XIRP1: variants seen among roughly 807,000 people sequenced by gnomAD.
XIRP1 encodes the protein xin actin-binding repeat-containing protein 1.
For synonymous variants in XIRP1, 984 were observed against 947.0 expected, an observed-to-expected ratio of 1.04 and a Z score of -0.72; for missense variants, 2,378 against 2,345.4, an observed-to-expected ratio of 1.01 and a Z score of -0.29.
chr3:39,186,542 C>T lies in XIRP1; in HGVS notation c.2904G>A (p.Glu968=), dbSNP rs747263850. The T allele has an allele frequency of 1.9e-6, 3 of 1,612,202 alleles. No individual in the cohort carries two copies. The highest frequency in any genetic ancestry group is 1.1e-5 in the South Asian group (1 of 90,984). ...SEGAQSLHPT[E]SIIHVPPLDP... ...CCAGTGGGGGAACATGGATGATGCT[C>T]TCAGTTGGGTGCAGGCTCTGGGCCC... Residue 968 remains glutamate (E), a synonymous_variant, in exon 2 of 2, where the codon GAG becomes GAA. Transcript: ENST00000340369.
Position 39,187,810 on chromosome 3 carries a change from C to T in XIRP1, c.1636G>A (p.Asp546Asn). ...AAAAGCCACCGAGCTGTGCCAACGT[C>T]CCCAGCCACCACTTCCTGCCGGGTG... ...GITRQEVVAG[D>N]VGTARWLFET... The change falls in exon 2 of 2, where the codon GAC (aspartate) becomes AAC (asparagine). Residue 546 changes from aspartate to asparagine, a missense_variant. Physicochemically the swap from Asp to Asn is conservative, Grantham distance 23. Coordinates refer to ENST00000340369, the MANE Select transcript of XIRP1 (RefSeq NM_194293.4). 4.3e-6 allele frequency: 7 copies of T among 1,614,148 alleles called. No individual in the cohort carries two copies. Among genetic ancestry groups the T allele is most frequent in the Non-Finnish European group, 5.9e-6 (7 of 1,180,038 alleles).
rs758339984 is a variant in XIRP1, at chr3:39,185,292, A to G, written c.4154T>C (p.Ile1385Thr). ...KVPTTVDQGHIPLARCPSGHS... is the reference protein window; with the variant it reads ...KVPTTVDQGHTPLARCPSGHS... Reference sequence around the variant, plus strand: ...TCCACTGGGACATCTGGCCAGAGGTATGTGGCCCTGGTCTACAGTAGTGGG... The same window carrying G: ...TCCACTGGGACATCTGGCCAGAGGTGTGTGGCCCTGGTCTACAGTAGTGGG... Residue 1385 changes from isoleucine (I) to threonine (T), a missense_variant, in exon 2 of 2, where the codon ATA becomes ACA. Ile to Thr is a moderately conservative substitution (Grantham distance 89, BLOSUM62 -1). Transcript: ENST00000340369. 1 of 1,614,106 alleles carries G rather than the reference A, an allele frequency of 6.2e-7. No individual in the cohort carries two copies. Among genetic ancestry groups the G allele is most frequent in the Non-Finnish European group, 8.5e-7 (1 of 1,180,010 alleles).
chr3:39,187,129 C>T lies in XIRP1; in HGVS notation c.2317G>A (p.Gly773Arg), dbSNP rs554405087. The T allele has an allele frequency of 4.3e-6, 7 of 1,612,842 alleles. No individual in the cohort carries two copies. In the African/African-American group the frequency reaches 9.3e-5, roughly 21 times the overall value. ...MQESQETAAE[G>R]TLRTLHATPG... ...GTGGCATGCAGAGTCCGCAGGGTCC[C>T]CTCAGCTGCAGTCTCCTGGCTCTCT... The change falls in exon 2 of 2, where the codon GGG becomes AGG. Residue 773 changes from glycine (G) to arginine (R), a missense_variant. Gly to Arg is a moderately radical substitution (Grantham distance 125, BLOSUM62 -2). Transcript: ENST00000340369.
rs1028418833 is a variant in XIRP1, at chr3:39,183,922, C to T, written c.5524G>A (p.Ala1842Thr). 6.8e-6 allele frequency: 11 copies of T among 1,609,602 alleles called. No individual in the cohort carries two copies. The highest frequency in any genetic ancestry group is 1.7e-5 in the Admixed American group (1 of 59,868). ...QVSCSYSQPAAQ is the reference protein window; with the variant it reads ...QVSCSYSQPATQ ...GTGGGAGGCGGTGGGCCTCACTGGG[C>T]AGCTGGCTGGGAGTAGCTGCAGGAC... The change falls in exon 2 of 2, where the codon GCC (alanine) becomes ACC (threonine). Residue 1842 changes from alanine to threonine, a missense_variant. By Grantham distance (58) the Ala-to-Thr change is moderately conservative (BLOSUM62 0). Transcript: ENST00000340369.
At position 39,185,453 on chromosome 3, in the gene XIRP1, T is replaced by G. The variant is rs201563691; in HGVS notation, c.3993A>C (p.Ala1331=). ...GAGGAGGGTGGCTCTGGGTTAGGTG[T>G]GCAGGTTTAGGGGGCAGCTGCGGCT... ...KKKPQLPPKP[A]HLTQSHPPQR... is the part of the protein sequence containing the mutation. The change falls in exon 2 of 2, where the codon GCA becomes GCC. Residue 1331 remains alanine, a synonymous_variant. Transcript: ENST00000340369. 4.4e-6 allele frequency: 7 copies of G among 1,600,390 alleles called. No homozygotes were observed. Among genetic ancestry groups the G allele is most frequent in the Non-Finnish European group, 6.0e-6 (7 of 1,172,904 alleles).
rs754917606 is a variant in XIRP1 at position 39,187,296 on chromosome 3, G to A, written c.2150C>T (p.Ala717Val). The change falls in exon 2 of 2, where the codon GCT (alanine) becomes GTT (valine). Residue 717 changes from alanine to valine, a missense_variant. Ala to Val is a moderately conservative substitution (Grantham distance 64). Coordinates refer to ENST00000340369, the MANE Select transcript of XIRP1 (RefSeq NM_194293.4). Reference sequence around the variant, plus strand: ...GACAGAACCCGCGGGGATGGACCCAGCGATTACCCGGGGCTCCTGTTCTTC... The same window carrying A: ...GACAGAACCCGCGGGGATGGACCCAACGATTACCCGGGGCTCCTGTTCTTC... Reference protein sequence around the residue: ...KKEEQEPRVIAGSIPAGSVHK... With the variant: ...KKEEQEPRVIVGSIPAGSVHK... 1.1e-5 allele frequency: 17 copies of A among 1,588,930 alleles called. No individual in the cohort carries two copies. Among genetic ancestry groups the A allele is most frequent in the Admixed American group, 5.3e-5 (3 of 56,526 alleles).
rs781339670 is a variant in XIRP1 at position 39,186,612 on chromosome 3, C to T, written c.2834G>A (p.Arg945Gln). The change falls in exon 2 of 2, where the codon CGG (arginine) becomes CAG (glutamine). Residue 945 changes from arginine (R) to glutamine (Q), a missense_variant. Physicochemically the swap from Arg to Gln is conservative, Grantham distance 43. Coordinates refer to ENST00000340369, the MANE Select transcript of XIRP1 (RefSeq NM_194293.4). ...KGDLSGLHSLRWEPPADPSPV... is the reference protein window; with the variant it reads ...KGDLSGLHSLQWEPPADPSPV... ...ACTCGGGTCAGCCGGGGGCTCCCAC[C>T]GCAGACTGTGCAGGCCACTCAGGTC... 1.4e-5 allele frequency: 22 copies of T among 1,610,172 alleles called. No homozygotes were observed. The highest frequency in any genetic ancestry group is 8.3e-5 in the Admixed American group (5 of 59,890).
Position 39,185,618 on chromosome 3 carries a change from A to G in XIRP1, c.3828T>C (p.Ala1276=). Residue 1276 remains alanine (A), a synonymous_variant, in exon 2 of 2, where the codon GCT becomes GCC. Coordinates refer to ENST00000340369, the MANE Select transcript of XIRP1 (RefSeq NM_194293.4). ...CAGAGGCTTGCTGGATGGAGTCCTC[A>G]GCACGGTGGGCTCCAGCTGGAAAGT... ...GPDFPAGAHR[A]EDSIQQASEP... 6.2e-6 allele frequency: 10 copies of G among 1,612,274 alleles called. No homozygotes were observed. Among genetic ancestry groups the G allele is most frequent in the Non-Finnish European group, 8.5e-6 (10 of 1,179,096 alleles).
Position 39,187,678 on chromosome 3 carries a change from C to G in XIRP1, c.1768G>C (p.Asp590His). ...DPQPEAPPKG[D>H]VQTIRWLFET... ...AACAACCACCGGATGGTCTGCACATCGCCCTTTGGGGGTGCCTCAGGCTGG... is the reference window on the plus strand; with the variant it reads ...AACAACCACCGGATGGTCTGCACATGGCCCTTTGGGGGTGCCTCAGGCTGG... Residue 590 changes from aspartate (D) to histidine (H), a missense_variant, in exon 2 of 2, where the codon GAT (aspartate) becomes CAT (histidine). Asp to His is a moderately conservative substitution (Grantham distance 81). Coordinates refer to ENST00000340369, the MANE Select transcript of XIRP1 (RefSeq NM_194293.4). 1 of 1,614,086 alleles carries G rather than the reference C, an allele frequency of 6.2e-7. No individual in the cohort carries two copies. Among genetic ancestry groups the G allele is most frequent in the Non-Finnish European group, 8.5e-7 (1 of 1,180,042 alleles).
At position 39,183,976 on chromosome 3, in the gene XIRP1, C is replaced by T. The variant is rs1373557957; in HGVS notation, c.5470G>A (p.Asp1824Asn). 1 of 1,612,438 alleles carries T rather than the reference C, an allele frequency of 6.2e-7. No homozygotes were observed. Among genetic ancestry groups the T allele is most frequent in the Non-Finnish European group, 8.5e-7 (1 of 1,179,936 alleles). ...TGCACCGTCTCAGCTTCTGTCAGGT[C>T]ACTGCTGAACCCAGCTGGGCTGTGC... ...FLHSPAGFSS[D>N]LTEAETVQVS... is the part of the protein sequence containing the mutation. The change falls in exon 2 of 2, where the codon GAC (aspartate) becomes AAC (asparagine). Residue 1824 changes from aspartate (D) to asparagine (N), a missense_variant. By Grantham distance (23) the Asp-to-Asn change is conservative. Coordinates refer to ENST00000340369, the MANE Select transcript of XIRP1 (RefSeq NM_194293.4).
In XIRP1 at chr3:39,187,701, TG is replaced by T. The variant is rs1431783065; in HGVS notation, c.1744del (p.Gln582SerfsTer22). 6.2e-7 allele frequency: 1 copy of T among 1,614,062 alleles called. No individual in the cohort carries two copies. The highest frequency in any genetic ancestry group is 8.5e-7 in the Non-Finnish European group (1 of 1,180,036). ...ATCGCCCTTTGGGGGTGCCTCAGGCTGGGGGTCTCCCTGACTCTTCCCTTCT... is the reference window on the plus strand; with the variant it reads ...ATCGCCCTTTGGGGGTGCCTCAGGCTGGGGTCTCCCTGACTCTTCCCTTCT... ...KEEGKSQGDP[Q>X]PEAPPKGDVQ... On this transcript the variant is annotated frameshift_variant, in exon 2 of 2. Transcript: ENST00000340369. LOFTEE classifies it low-confidence loss of function (END_TRUNC).
chr3:39,185,454 G>A lies in XIRP1; in HGVS notation c.3992C>T (p.Ala1331Val). The change falls in exon 2 of 2, where the codon GCA (alanine) becomes GTA (valine). Residue 1331 changes from alanine (A) to valine (V), a missense_variant. Ala to Val is a moderately conservative substitution (Grantham distance 64). Coordinates refer to ENST00000340369, the MANE Select transcript of XIRP1 (RefSeq NM_194293.4). ...AGGAGGGTGGCTCTGGGTTAGGTGTGCAGGTTTAGGGGGCAGCTGCGGCTT... is the reference window on the plus strand; with the variant it reads ...AGGAGGGTGGCTCTGGGTTAGGTGTACAGGTTTAGGGGGCAGCTGCGGCTT... Reference protein sequence around the residue: ...KKKPQLPPKPAHLTQSHPPQR... With the variant: ...KKKPQLPPKPVHLTQSHPPQR... 6.3e-7 allele frequency: 1 copy of A among 1,599,978 alleles called. No individual in the cohort carries two copies.
At position 39,188,897 on chromosome 3, in the gene XIRP1, T is replaced by A. The variant is rs1245907666; in HGVS notation, c.549A>T (p.Ala183=). The part of the protein sequence containing the change: ...KELEATVREP[A]ASGDVQGTRM... The stretch of plus-strand genomic sequence containing the variant: ...TGGTACCCTGCACATCTCCGCTGGC[T>A]GCAGGCTCCCTCACAGTGGCCTCCA... The change falls in exon 2 of 2, where the codon GCA becomes GCT. Residue 183 remains alanine, a synonymous_variant. Transcript: ENST00000340369. 2 of 1,613,026 alleles carry A rather than the reference T, an allele frequency of 1.2e-6. No individual in the cohort carries two copies. Among genetic ancestry groups the A allele is most frequent in the Admixed American group, 3.3e-5 (2 of 59,994 alleles).
rs1040785560 is a variant in XIRP1, at chr3:39,185,290, G to T, written c.4156C>A (p.Pro1386Thr). Residue 1386 changes from proline (P) to threonine (T), a missense_variant, in exon 2 of 2, where the codon CCT (proline) becomes ACT (threonine). Pro to Thr is a conservative substitution (Grantham distance 38). Transcript: ENST00000340369. ...TGTCCACTGGGACATCTGGCCAGAG[G>T]TATGTGGCCCTGGTCTACAGTAGTG... ...VPTTVDQGHI[P>T]LARCPSGHSQ... 1 of 1,614,256 alleles carries T rather than the reference G, an allele frequency of 6.2e-7. No homozygotes were observed. Among genetic ancestry groups the T allele is most frequent in the Non-Finnish European group, 8.5e-7 (1 of 1,180,042 alleles).
intron 1 of XIRP1, among the ~76,000 whole-genome samples, chr3:39,190,424 C>A (rs551406980): frequency 1.3e-5 from 2 of 152,166 alleles, no homozygotes; most frequent in East Asian, 3.9e-4. Flanking sequence ...CCCGTCTATT[C>A]CCCAGCAGGC....
chr3:39,189,824 C>T (rs947707102), intron 1 of XIRP1, among the ~76,000 whole-genome samples: 9 of 152,220 alleles, frequency 5.9e-5, no homozygotes, highest in Non-Finnish European at 4.4e-5. Flanking sequence ...CATGCCCCAT[C>T]CTCACCTTCC....
intron 1 of XIRP1, 26 bp from the exon 2 acceptor site, chr3:39,189,551 C>T (rs1022053887): frequency 6.0e-6 from 9 of 1,493,020 alleles, no homozygotes; most frequent in South Asian, 1.4e-5. Context: ...GTAAACAGGG[C>T]TCAGAGTCAG....
chr3:39,188,630 G>A lies in XIRP1; in HGVS notation c.816C>T (p.Leu272=). 5 of 1,613,504 alleles carry A rather than the reference G, an allele frequency of 3.1e-6. No homozygotes were observed. In the African/African-American group the frequency reaches 6.7e-5, roughly 21 times the overall value. ...QSNAVRSARW[L]FETRPLDAIN... Reference sequence around the variant, plus strand: ...TGGCGTCCAGAGGCCGGGTCTCAAAGAGCCAGCGGGCAGACCTCACCGCGT... The same window carrying A: ...TGGCGTCCAGAGGCCGGGTCTCAAAAAGCCAGCGGGCAGACCTCACCGCGT... Residue 272 remains leucine (L), a synonymous_variant, in exon 2 of 2, where the codon CTC becomes CTT. Transcript: ENST00000340369.
In XIRP1 at chr3:39,185,621, A is replaced by T; in HGVS notation, c.3825T>A (p.Arg1275=). ...AGGCTTGCTGGATGGAGTCCTCAGC[A>T]CGGTGGGCTCCAGCTGGAAAGTCAG... is the stretch of plus-strand genomic sequence containing the variant. ...TGPDFPAGAH[R]AEDSIQQASE... is the part of the protein sequence containing the mutation. Residue 1275 remains arginine (R), a synonymous_variant, in exon 2 of 2, where the codon CGT becomes CGA. Transcript: ENST00000340369. 2.5e-6 allele frequency: 4 copies of T among 1,612,730 alleles called. No homozygotes were observed. Among genetic ancestry groups the T allele is most frequent in the Non-Finnish European group, 3.4e-6 (4 of 1,179,348 alleles).
Sources: allele counts gnomAD v4.1 joint callset (sites outside exome capture counted in the v4.1 genomes callset), GRCh38; gene constraint gnomAD v4.1.1; transcripts MANE v1.5; gene names NCBI Gene and HGNC (gene_info 2026-07-23, HGNC 2026-07-21).